STK32B: variants seen among roughly 807,000 people sequenced by gnomAD.
STK32B encodes the protein serine/threonine-protein kinase 32B.
A neutral mutation model predicts 52.6 loss-of-function variants in STK32B; 43 were observed. The ratio of observed to expected loss-of-function variants is 0.82; its 90% CI spans 0.64 to 1.05. The LOEUF (loss-of-function observed/expected upper bound fraction) is 1.05. Among genes scored for constraint, STK32B ranks in the 50% least tolerant of loss-of-function variants. STK32B has a pLI of 0.00. For missense variants in STK32B, 621 were observed against 534.6 expected (o/e 1.16, Z -1.59); for synonymous variants, 238 against 204.3 (o/e 1.17, Z -1.41).
intron 4 of STK32B, among the ~76,000 whole-genome samples, chr4:5,352,163 A>G (rs1231182621): frequency 6.6e-6 from 1 of 152,142 alleles, no homozygotes; most frequent in African/African-American, 2.4e-5. Context: ...GTATAGGCCA[A>G]TATTCCTGAT....
At chr4:5,213,730 C>T (rs1319530003) in intron 3 of STK32B, among the ~76,000 whole-genome samples, 3 of 152,198 alleles carry the variant, frequency 2.0e-5, no homozygotes, top group Admixed American at 2.0e-4. Flanking sequence ...TATACTTAAG[C>T]TGTTTGCTCC....
chr4:5,364,966 C>T (rs1460985883), intron 4 of STK32B, among the ~76,000 whole-genome samples: 1 of 152,164 alleles, frequency 6.6e-6, no homozygotes, highest in Non-Finnish European at 1.5e-5. Flanking sequence ...ACCTCTACCT[C>T]CTGGGTCCAA....
At chr4:5,232,869 A>G (rs1724368675) in intron 3 of STK32B, among the ~76,000 whole-genome samples, 1 of 152,112 alleles carries the variant, frequency 6.6e-6, no homozygotes, top group African/African-American at 2.4e-5. Context: ...TGGGAATACC[A>G]GCAGGATATT....
intron 3 of STK32B, among the ~76,000 whole-genome samples, chr4:5,195,659 TCCAG>T (rs1378552966): frequency 6.6e-6 from 1 of 152,174 alleles, no homozygotes; most frequent in Non-Finnish European, 1.5e-5. Flanking sequence ...CGCACTCTAC[TCCAG>T]CCTGGCGACA....
chr4:5,368,487 T>A (rs1462749576), intron 4 of STK32B, among the ~76,000 whole-genome samples: 1 of 152,090 alleles, frequency 6.6e-6, no homozygotes, highest in Admixed American at 6.5e-5. Context: ...GGGCTTTGCT[T>A]TCAGTAACTC....
Position 5,471,337 on chromosome 4 carries a change from G to A in STK32B, c.1106+3267G>A, listed in dbSNP as rs188195394. ...GTGGGTGCCTAATCCAACATGACTG[G>A]TGTCTGTCCTGACAAGAGAAGAGGT... On this transcript the variant is annotated intron_variant, in intron 11 of 11. Transcript: ENST00000282908. Among the ~76,000 whole-genome samples, 108 of 152,268 alleles carry A rather than the reference G, an allele frequency of 7.1e-4. 1 individual carries two copies. Among genetic ancestry groups the A allele is most frequent in the African/African-American group, 2.4e-3 (101 of 41,548 alleles).
At chr4:5,196,547 C>T (rs967786553) in intron 3 of STK32B, among the ~76,000 whole-genome samples, 3 of 151,420 alleles carry the variant, frequency 2.0e-5, no homozygotes, top group Non-Finnish European at 4.4e-5. Context: ...ATGGTGAAAC[C>T]CCCTCTGTTC....
chr4:5,397,834 GCAGGGA>G (rs531293096), intron 4 of STK32B, among the ~76,000 whole-genome samples: 1 of 152,372 alleles, frequency 6.6e-6, no homozygotes, highest in African/African-American at 2.4e-5. Context: ...CATGACACCT[GCAGGGA>G]ACCCTGGTGG....
At chr4:5,052,922 G>A (rs1440666211) in intron 1 of STK32B, among the ~76,000 whole-genome samples, 1 of 152,306 alleles carries the variant, frequency 6.6e-6, no homozygotes, top group East Asian at 1.9e-4. Context: ...GCCCCTTGAG[G>A]TGGCTACCTT....
chr4:5,188,572 C>T (rs550160527), intron 3 of STK32B, among the ~76,000 whole-genome samples: 1 of 152,206 alleles, frequency 6.6e-6, no homozygotes, highest in African/African-American at 2.4e-5. Context: ...CTACTGTCAG[C>T]TTACATTTCA....
At chr4:5,278,977 C>G (rs1018161622) in intron 3 of STK32B, among the ~76,000 whole-genome samples, 1 of 152,186 alleles carries the variant, frequency 6.6e-6, no homozygotes, top group African/African-American at 2.4e-5. Context: ...CACTAGGTCC[C>G]TACCCCAACA....
rs113159273 is a variant in STK32B at position 5,371,904 on chromosome 4, G to C, written c.435-26303G>C. ...AAGTACTGTGTAAGCTCATTTCCCA[G>C]GTGGTGGCAATACCCCATGGGGCTG... On this transcript the variant is annotated intron_variant, in intron 4 of 11. Coordinates refer to ENST00000282908, the MANE Select transcript of STK32B (RefSeq NM_018401.3). Among the ~76,000 whole-genome samples the C allele has an allele frequency of 7.3e-3, 1,113 of 152,282 alleles. 18 individuals are homozygous for C. The highest frequency in any genetic ancestry group is 0.025 in the African/African-American group (1,043 of 41,558).
At chr4:5,050,797 C>T (rs1577608728), upstream of STK32B, among the ~76,000 whole-genome samples, 1 of 152,254 alleles carries the variant, frequency 6.6e-6, no homozygotes, top group African/African-American at 2.4e-5. Context: ...GCGCGTATCT[C>T]CCGATCCAGG....
intron 4 of STK32B, among the ~76,000 whole-genome samples, chr4:5,338,883 G>T (rs1223880330): frequency 6.6e-6 from 1 of 152,194 alleles, no homozygotes; most frequent in Non-Finnish European, 1.5e-5. Context: ...GCTAAAGGAT[G>T]CCCAGAGTGC....
intron 3 of STK32B, among the ~76,000 whole-genome samples, chr4:5,312,603 A>T (rs1292185419): frequency 6.6e-6 from 1 of 152,098 alleles, no homozygotes; most frequent in Non-Finnish European, 1.5e-5. Flanking sequence ...ATGTCCCTAC[A>T]AAGGACATGA....
chr4:5,167,240 C>T (rs1718948144), intron 2 of STK32B, among the ~76,000 whole-genome samples: 1 of 152,176 alleles, frequency 6.6e-6, no homozygotes, highest in African/African-American at 2.4e-5. Flanking sequence ...AAGTCCAGGC[C>T]TCATGGATTT....
rs905207204 is a variant in STK32B at position 5,460,548 on chromosome 4, C to T, written c.909+320C>T. On this transcript the variant is annotated intron_variant, in intron 9 of 11. Transcript: ENST00000282908. The surrounding 1 kb of genome is among the most constrained non-coding windows in gnomAD (Gnocchi z 4.8). The stretch of plus-strand genomic sequence containing the variant: ...CTTCTGCCTCCACAGAGCTGACTGC[C>T]GAGTAGAGGAAGACAGGCAATGACC... Among the ~76,000 whole-genome samples the T allele has an allele frequency of 2.6e-5, 4 of 152,154 alleles. No homozygotes were observed. The highest frequency in any genetic ancestry group is 4.8e-5 in the African/African-American group (2 of 41,426).
chr4:5,315,305 G>C (rs1401882312), intron 3 of STK32B, among the ~76,000 whole-genome samples: 1 of 152,086 alleles, frequency 6.6e-6, no homozygotes, highest in East Asian at 1.9e-4. Context: ...AGAATGGCTA[G>C]CTTAAAAATA....
At chr4:5,110,972 G>C (rs1483314549) in intron 1 of STK32B, among the ~76,000 whole-genome samples, 1 of 144,938 alleles carries the variant, frequency 6.9e-6, no homozygotes, top group Non-Finnish European at 1.5e-5. Context: ...ATACATTTTT[G>C]AAAAAAAAAA....
Sources: gnomAD v4.1 joint callset for allele counts (sites outside exome capture counted in the v4.1 genomes callset) on GRCh38, gnomAD v4.1.1 for gene constraint, Gnocchi (gnomAD v3.1) non-coding constraint, MANE v1.5 for transcripts, NCBI Gene and HGNC (gene_info 2026-07-23, HGNC 2026-07-21) for gene names.